Variants in KLHL1 observed in about 807,000 individuals in gnomAD.
The protein encoded by KLHL1 is kelch-like protein 1.
A neutral mutation model predicts 77.7 loss-of-function variants in KLHL1; 47 were observed. That is an observed-to-expected ratio of 0.60 (90% CI 0.48 to 0.77). The LOEUF is 0.77. Ranked by LOEUF, KLHL1 falls within the 30% of genes least tolerant of loss-of-function variation. The pLI is 0.00. For missense variants in KLHL1, 925 were observed against 910.8 expected, an observed-to-expected ratio of 1.02 and a Z score of -0.20; for synonymous variants, 360 against 325.2, an observed-to-expected ratio of 1.11 and a Z score of -1.15.
intron 1 of KLHL1, among the ~76,000 whole-genome samples, chr13:70,077,155 C>T (rs1292174984): frequency 1.3e-5 from 2 of 151,906 alleles, no homozygotes; most frequent in Non-Finnish European, 2.9e-5. Flanking sequence ...AACATGGATT[C>T]ATGCACATTT....
intron 8 of KLHL1, among the ~76,000 whole-genome samples, chr13:69,730,725 G>T (rs903398428): frequency 6.6e-6 from 1 of 151,878 alleles, no homozygotes; most frequent in African/African-American, 2.4e-5. Flanking sequence ...AACTACAGGA[G>T]CATGCCACCA....
rs190198175 is a variant in KLHL1 at position 69,701,920 on chromosome 13, C to A, written c.2188-159G>T. Among the ~76,000 whole-genome samples the A allele has an allele frequency of 4.6e-5, 7 of 151,780 alleles. No homozygotes were observed. In the East Asian group the frequency reaches 1.3e-3, roughly 29 times the overall value. Reference sequence around the variant, plus strand: ...GTAAAAATGAAAACACTGAAAATGGCATTTTAAAAAAGCCATGATTTGTAT... The same window carrying A: ...GTAAAAATGAAAACACTGAAAATGGAATTTTAAAAAAGCCATGATTTGTAT... On this transcript the variant is annotated intron_variant, in intron 10 of 10. Coordinates refer to ENST00000377844, the MANE Select transcript of KLHL1 (RefSeq NM_020866.3).
chr13:69,776,694 G>A (rs866050587), intron 7 of KLHL1, among the ~76,000 whole-genome samples: 1 of 151,966 alleles, frequency 6.6e-6, no homozygotes, highest in Admixed American at 6.6e-5. Flanking sequence ...GTTAAAAAAA[G>A]AAAAATATAA....
intron 5 of KLHL1, among the ~76,000 whole-genome samples, chr13:69,853,257 T>G (rs895932186): frequency 2.0e-5 from 3 of 151,936 alleles, no homozygotes; most frequent in African/African-American, 7.2e-5. Flanking sequence ...ATGGGGGCGT[T>G]CACCCTCATG....
intron 7 of KLHL1, among the ~76,000 whole-genome samples, chr13:69,785,662 C>T (rs1350214931): frequency 6.7e-6 from 1 of 149,102 alleles, no homozygotes; most frequent in Non-Finnish European, 1.5e-5. Flanking sequence ...AAAATCAGAG[C>T]AGAACTGAAG....
intron 1 of KLHL1, among the ~76,000 whole-genome samples, chr13:70,102,696 C>G (rs935350130): frequency 6.6e-6 from 1 of 152,114 alleles, no homozygotes; most frequent in African/African-American, 2.4e-5. Context: ...TAATTACCCT[C>G]TTTATATTTC....
intron 7 of KLHL1, among the ~76,000 whole-genome samples, chr13:69,752,211 C>A (rs1224420159): frequency 6.6e-6 from 1 of 152,068 alleles, no homozygotes; most frequent in Non-Finnish European, 1.5e-5. Context: ...ATCTTCTAAC[C>A]AAGCTTCAGT....
At chr13:69,788,925 C>CA (rs1474677893) in intron 7 of KLHL1, among the ~76,000 whole-genome samples, 1 of 152,038 alleles carries the variant, frequency 6.6e-6, no homozygotes, top group Admixed American at 6.6e-5. Flanking sequence ...ATGGCTATTA[C>CA]AAAAATGACA....
intron 1 of KLHL1, among the ~76,000 whole-genome samples, chr13:69,985,295 C>A (rs1243989853): frequency 6.6e-6 from 1 of 151,886 alleles, no homozygotes; most frequent in Non-Finnish European, 1.5e-5. Context: ...AAAGAAAAAA[C>A]CAATCTGAGT....
intron 6 of KLHL1, among the ~76,000 whole-genome samples, chr13:69,801,594 C>T (rs1326021008): frequency 7.2e-5 from 11 of 151,804 alleles, no homozygotes; most frequent in African/African-American, 2.7e-4. Context: ...CTAAAAGAAT[C>T]GTAAAGTATC....
intron 5 of KLHL1, among the ~76,000 whole-genome samples, chr13:69,866,536 T>C (rs371626818): frequency 3.3e-5 from 5 of 152,122 alleles, no homozygotes; most frequent in African/African-American, 9.7e-5. Flanking sequence ...TGGTCTTCAA[T>C]AGATTTTACT....
chr13:70,097,883 T>G (rs1298879644), intron 1 of KLHL1, among the ~76,000 whole-genome samples: 78 of 118,182 alleles, frequency 6.6e-4, no homozygotes, highest in South Asian at 1.7e-3. Flanking sequence ...TTGATTTCCT[T>G]TCTGTTTTTT....
Position 69,761,200 on chromosome 13 carries a change from C to T in KLHL1, c.1640-20644G>A, listed in dbSNP as rs138734150. ...AACCAGAATAGTTTCAGAGTGACTC[C>T]GGGGCTGCCACATGGTCAGATAATA... On this transcript the variant is annotated intron_variant, in intron 7 of 10. Transcript: ENST00000377844. Among the ~76,000 whole-genome samples the T allele has an allele frequency of 7.4e-4, 112 of 152,182 alleles. 1 individual carries two copies. The highest frequency in any genetic ancestry group is 2.6e-3 in the African/African-American group (110 of 41,510).
intron 4 of KLHL1, among the ~76,000 whole-genome samples, chr13:69,937,257 T>A (rs1020414862): frequency 2.3e-4 from 35 of 152,168 alleles, no homozygotes; most frequent in Non-Finnish European, 4.4e-4. Context: ...TAATATTTAA[T>A]TTGAACAGAG....
At chr13:69,827,421 G>A (rs1469568279) in intron 6 of KLHL1, among the ~76,000 whole-genome samples, 1 of 151,794 alleles carries the variant, frequency 6.6e-6, no homozygotes, top group East Asian at 1.9e-4. Context: ...TATTTAGCAG[G>A]CCTTTTAAAA....
chr13:69,980,921 A>G (rs530945525), intron 1 of KLHL1, among the ~76,000 whole-genome samples: 1 of 152,266 alleles, frequency 6.6e-6, no homozygotes, highest in African/African-American at 2.4e-5. Context: ...TCAGATACTA[A>G]TTTCAGTTTG....
intron 4 of KLHL1, among the ~76,000 whole-genome samples, chr13:69,910,845 G>C (rs543797375): frequency 2.6e-4 from 39 of 152,154 alleles, no homozygotes; most frequent in African/African-American, 9.1e-4. Context: ...TAGTTCAAAG[G>C]AGAAGCCAGA....
intron 7 of KLHL1, among the ~76,000 whole-genome samples, chr13:69,745,718 T>A (rs1343672782): frequency 2.0e-5 from 3 of 151,930 alleles, no homozygotes; most frequent in African/African-American, 7.2e-5. Context: ...TAACAATGAC[T>A]ATTGAGGAAG....
At chr13:69,841,088 A>G (rs915206470) in intron 5 of KLHL1, among the ~76,000 whole-genome samples, 1 of 151,966 alleles carries the variant, frequency 6.6e-6, no homozygotes, top group Non-Finnish European at 1.5e-5. Flanking sequence ...TTCATTTGGA[A>G]CACACGTTAG....
Sources: allele counts gnomAD v4.1 joint callset (sites outside exome capture counted in the v4.1 genomes callset), GRCh38; gene constraint gnomAD v4.1.1; transcripts MANE v1.5; gene names NCBI Gene and HGNC (gene_info 2026-07-23, HGNC 2026-07-21).